The following PKD2 variants were observed in gnomAD, a reference collection of about 807,000 sequenced individuals.
The protein encoded by PKD2 is polycystin-2.
In PKD2, 48 loss-of-function variants were observed where a neutral mutation model predicts 105.9. That is an observed-to-expected ratio of 0.45 (90% confidence interval 0.36 to 0.58). PKD2 has a LOEUF of 0.58. Among genes scored for constraint, PKD2 ranks in the 20% least tolerant of loss-of-function variants. The probability of loss-of-function intolerance (pLI) is 0.00; values close to 1 mark genes in which losing one functional copy is unlikely to be tolerated. For missense variants in PKD2, 1,078 were observed against 1,255.3 expected (o/e 0.86, Z 2.13); for synonymous variants, 464 against 481.1 (o/e 0.96, Z 0.46).
In PKD2 at chr4:88,057,973, AT is replaced by A; in HGVS notation, c.1899-5del. 1 of 1,588,698 alleles carries A rather than the reference AT, an allele frequency of 6.3e-7. No individual in the cohort carries two copies. The highest frequency in any genetic ancestry group is 8.6e-7 in the Non-Finnish European group (1 of 1,156,892). On this transcript the variant is annotated splice_polypyrimidine_tract_variant and intron_variant, in intron 8 of 14. Coordinates refer to ENST00000237596, the MANE Select transcript of PKD2 (RefSeq NM_000297.4). ...TTTTTGTATTGTGGTGTTTTGTTTT[AT>A]TTTTATAGCTTCACTCAATTCCGTA...
intron 2 of PKD2, among the ~76,000 whole-genome samples, chr4:88,020,725 T>G (rs1726719117): frequency 6.6e-6 from 1 of 151,590 alleles, no homozygotes; most frequent in African/African-American, 2.4e-5. Context: ...AGTCTTGATC[T>G]GTTTCACAGG....
At chr4:88,011,670 C>A (rs147999628) in intron 1 of PKD2, among the ~76,000 whole-genome samples, 272 of 152,078 alleles carry the variant, frequency 1.8e-3, no homozygotes, top group African/African-American at 6.1e-3. Context: ...TAAAGGGAAG[C>A]ATAATTAGTT....
intron 2 of PKD2, among the ~76,000 whole-genome samples, chr4:88,032,933 G>C (rs1471886671): frequency 3.3e-5 from 5 of 152,082 alleles, no homozygotes; most frequent in Non-Finnish European, 7.4e-5. Flanking sequence ...CATGAACAGA[G>C]GCAGATGTTC....
intron 14 of PKD2, 41 bp downstream of exon 14, chr4:88,075,000 T>C: frequency 6.2e-7 from 1 of 1,606,658 alleles, no homozygotes; most frequent in African/African-American, 1.3e-5. Context: ...CTGAGCATGG[T>C]GTTATTAATG....
rs79761895 is a variant in PKD2 at position 88,033,863 on chromosome 4, T to G, written c.710-2357T>G. ...TCTGAGCAGCCTTCACTGCTTGCTC[T>G]TGTGTCATGTTTCTTTCTGTCCTCG... On this transcript the variant is annotated intron_variant, in intron 2 of 14. Coordinates refer to ENST00000237596, the MANE Select transcript of PKD2 (RefSeq NM_000297.4). Among the ~76,000 whole-genome samples, 1,242 of 152,280 alleles carry G rather than the reference T, an allele frequency of 8.2e-3. 14 individuals carry two copies. The highest frequency in any genetic ancestry group is 0.017 in the Admixed American group (254 of 15,296).
chr4:88,071,311 A>G (rs1038847327), intron 13 of PKD2, among the ~76,000 whole-genome samples: 2 of 152,072 alleles, frequency 1.3e-5, no homozygotes, highest in Non-Finnish European at 2.9e-5. Context: ...CAGGCTCCCA[A>G]AGTGCTGGGA....
intron 1 of PKD2, among the ~76,000 whole-genome samples, chr4:88,013,404 G>T (rs1726450551): frequency 6.6e-6 from 1 of 152,220 alleles, no homozygotes; most frequent in Non-Finnish European, 1.5e-5. Context: ...CCAGATATGG[G>T]AGGATTCCAG....
intron 4 of PKD2, among the ~76,000 whole-genome samples, chr4:88,040,067 C>T (rs999464370): frequency 1.5e-4 from 23 of 152,254 alleles, no homozygotes; most frequent in East Asian, 1.9e-4. Context: ...AGTTATTTCA[C>T]GCATTATCTC....
At chr4:88,034,691 C>G (rs2725223) in intron 2 of PKD2, among the ~76,000 whole-genome samples, 6 of 139,990 alleles carry the variant, frequency 4.3e-5, no homozygotes, top group Admixed American at 7.3e-5. Flanking sequence ...AAAAAAAAGG[C>G]AGAGTGGGGA....
chr4:88,019,427 A>T (rs755433474), intron 1 of PKD2, 31 bp from the exon 2 acceptor site: 3 of 1,092,908 alleles, frequency 2.7e-6, no homozygotes, highest in African/African-American at 3.1e-5. Flanking sequence ...ATAAAATGAT[A>T]TCTTTTCTTT....
intron 9 of PKD2, among the ~76,000 whole-genome samples, chr4:88,059,614 A>C (rs1459391847): frequency 6.6e-6 from 1 of 152,288 alleles, no homozygotes; most frequent in African/African-American, 2.4e-5. Context: ...TTACCAGATC[A>C]GTCACCAGAA....
chr4:88,034,202 C>T (rs1353346628), intron 2 of PKD2, among the ~76,000 whole-genome samples: 1 of 152,084 alleles, frequency 6.6e-6, no homozygotes, highest in African/African-American at 2.4e-5. Context: ...GGGAGCCAAA[C>T]CAGGGGGCCT....
intron 5 of PKD2, 87 bp from the exon 6 acceptor site, chr4:88,046,555 G>A: frequency 2.4e-6 from 2 of 827,484 alleles, no homozygotes; most frequent in South Asian, 2.7e-5. Flanking sequence ...ACCTTGTAAT[G>A]CATGAACAGA....
In PKD2 at chr4:88,019,579, G is replaced by A; in HGVS notation, c.709+8G>A. On this transcript the variant is annotated splice_region_variant and intron_variant, in intron 2 of 14. Coordinates refer to ENST00000237596, the MANE Select transcript of PKD2 (RefSeq NM_000297.4). ...TCATAGTCTTGTGCATCTGTAAGTAGAATATTTCCTTGCACTAATGGGAAA... is the reference window on the plus strand; with the variant it reads ...TCATAGTCTTGTGCATCTGTAAGTAAAATATTTCCTTGCACTAATGGGAAA... 7.3e-7 allele frequency: 1 copy of A among 1,369,128 alleles called. No individual in the cohort carries two copies. The highest frequency in any genetic ancestry group is 1.0e-6 in the Non-Finnish European group (1 of 956,302). 84.8% of individuals were successfully genotyped at this position (1,369,128 alleles called of 1,614,324 possible). A position where few individuals can be genotyped will look rare whatever the true frequency, so the allele number is the denominator to read the frequency against.
intron 13 of PKD2, among the ~76,000 whole-genome samples, chr4:88,070,696 A>G (rs1229645167): frequency 6.7e-6 from 1 of 150,170 alleles, no homozygotes; most frequent in East Asian, 2.0e-4. Context: ...ACAGTGGTGT[A>G]ATCATGGCTC....
chr4:88,007,913 G>A lies in PKD2; in HGVS notation c.180G>A (p.Arg60=), dbSNP rs1263674695. 17 of 1,432,826 alleles carry A rather than the reference G, an allele frequency of 1.2e-5. No individual in the cohort carries two copies. Among genetic ancestry groups the A allele is most frequent in the Middle Eastern group, 2.3e-4 (1 of 4,416 alleles). The allele number at this position is 1,432,826 out of a possible 1,614,324, so 88.8% of individuals were successfully genotyped here. The change falls in exon 1 of 15, where the codon CGG becomes CGA. Residue 60 remains arginine, a synonymous_variant. Coordinates refer to ENST00000237596, the MANE Select transcript of PKD2 (RefSeq NM_000297.4). The part of the protein sequence containing the change: ...RGLEIEMQRI[R]QAAARDPPAG... ...TGGAGATCGAGATGCAGCGCATCCGGCAGGCGGCCGCGCGGGACCCCCCGG... is the reference window on the plus strand; with the variant it reads ...TGGAGATCGAGATGCAGCGCATCCGACAGGCGGCCGCGCGGGACCCCCCGG...
chr4:88,055,597 C>A (rs1720294987), intron 7 of PKD2, among the ~76,000 whole-genome samples: 1 of 151,036 alleles, frequency 6.6e-6, no homozygotes, highest in South Asian at 2.1e-4. Context: ...CCTCAGTCTT[C>A]CAAAGTGCCG....
chr4:88,007,956 C>T lies in PKD2; in HGVS notation c.223C>T (p.Pro75Ser). The T allele has an allele frequency of 6.7e-7, 1 of 1,482,974 alleles. No homozygotes were observed. The highest frequency in any genetic ancestry group is 8.9e-7 in the Non-Finnish European group (1 of 1,118,372). The allele number at this position is 1,482,974 out of a possible 1,614,324, so 91.9% of individuals were successfully genotyped here. ...CCCCCCGGCCGGAGCCGCGGCCTCC[C>T]CTTCTCCTCCGCTCTCGTCGTGCTC... ...RDPPAGAAASPSPPLSSCSRQ... is the reference protein window; with the variant it reads ...RDPPAGAAASSSPPLSSCSRQ... Residue 75 changes from proline to serine, a missense_variant, in exon 1 of 15, where the codon CCT becomes TCT. Physicochemically the swap from Pro to Ser is moderately conservative, Grantham distance 74. Around this residue, in one of 2 missense-constraint regions of PKD2, gnomAD observed 210 missense variants for 187.9 expected, o/e 1.12. Transcript: ENST00000237596.
At chr4:88,052,221 A>G in intron 7 of PKD2, 63 bp downstream of exon 7, 1 of 1,051,706 alleles carries the variant, frequency 9.5e-7, no homozygotes, top group Non-Finnish European at 1.5e-6. Context: ...AATGAGTTCC[A>G]CAAAATCATG....
Sources: gnomAD v4.1 joint callset for allele counts (sites outside exome capture counted in the v4.1 genomes callset) on GRCh38, gnomAD v4.1.1 for gene constraint, gnomAD v4.1.1 regional missense constraint, MANE v1.5 for transcripts, NCBI Gene and HGNC (gene_info 2026-07-23, HGNC 2026-07-21) for gene names.